The following IFT52 variants were observed in gnomAD, a reference collection of about 807,000 sequenced individuals.
IFT52 encodes the protein intraflagellar transport 52.
Under a neutral mutation model 54.4 loss-of-function variants are expected in IFT52, and 44 were observed. That is an observed-to-expected ratio of 0.81 (90% CI 0.63 to 1.04). The LOEUF (loss-of-function observed/expected upper bound fraction) is 1.04. Ranked by LOEUF, IFT52 falls within the 50% of genes least tolerant of loss-of-function variation. The probability of loss-of-function intolerance (pLI) is 0.00; values close to 1 mark genes in which losing one functional copy is unlikely to be tolerated. For missense variants in IFT52, 452 were observed against 523.6 expected (o/e 0.86, Z 1.33); for synonymous variants, 181 against 185.3 (o/e 0.98, Z 0.19).
chr20:43,636,082 T>G, intron 11 of IFT52, 69 bp downstream of exon 11: 1 of 1,455,550 alleles, frequency 6.9e-7, no homozygotes, highest in South Asian at 1.2e-5. Flanking sequence ...CAGCAGGCAT[T>G]CGCTGTGGTC....
Position 43,624,054 on chromosome 20 carries a change from C to G in IFT52, c.923+9C>G, listed in dbSNP as rs763146442. 1 of 1,613,594 alleles carries G rather than the reference C, an allele frequency of 6.2e-7. No homozygotes were observed. Among genetic ancestry groups the G allele is most frequent in the Non-Finnish European group, 8.5e-7 (1 of 1,179,686 alleles). Reference sequence around the variant, plus strand: ...TTCCACAGCGTCATCGAGTCAGTACCTGTGGGCCTCTGAGCCACACTGCAC... The same window carrying G: ...TTCCACAGCGTCATCGAGTCAGTACGTGTGGGCCTCTGAGCCACACTGCAC... On this transcript the variant is annotated intron_variant, in intron 10 of 13. Transcript: ENST00000373030.
chr20:43,598,204 G>C (rs371133953), intron 3 of IFT52, among the ~76,000 whole-genome samples: 37 of 152,140 alleles, frequency 2.4e-4, no homozygotes, highest in Non-Finnish European at 2.4e-4. Flanking sequence ...GACAAATACT[G>C]TATGATTTCA....
At chr20:43,638,663 G>T (rs62225649) in intron 12 of IFT52, among the ~76,000 whole-genome samples, 4,086 of 152,090 alleles carry the variant, frequency 0.027, 68 homozygotes, top group Non-Finnish European at 0.037. Context: ...TATAAATTTG[G>T]GAATAGCTTT....
chr20:43,646,197 C>T (rs200456209), intron 13 of IFT52, among the ~76,000 whole-genome samples: 5 of 120,918 alleles, frequency 4.1e-5, no homozygotes, highest in East Asian at 5.0e-4. Flanking sequence ...GGTGACAGAG[C>T]GAGACTCGTC....
intron 8 of IFT52, among the ~76,000 whole-genome samples, chr20:43,620,608 A>T (rs1984218586): frequency 6.6e-6 from 1 of 152,182 alleles, no homozygotes; most frequent in African/African-American, 2.4e-5. Flanking sequence ...GTGAGCCAAG[A>T]TTGCGCCACC....
Position 43,647,079 on chromosome 20 carries a change from ACT to A in IFT52, c.*99_*100del, listed in dbSNP as rs1986257149. The A allele has an allele frequency of 9.4e-7, 1 of 1,061,884 alleles. No homozygotes were observed. Among genetic ancestry groups the A allele is most frequent in the African/African-American group, 1.6e-5 (1 of 64,122 alleles). 65.8% of individuals were successfully genotyped at this position (1,061,884 alleles called of 1,614,324 possible). ...AACTCCTTATCAAAATTGTTTATAC[ACT>A]CTTTCCTCCATGAGCTCTGGAAGGT... On this transcript the variant is annotated 3_prime_UTR_variant, in exon 14 of 14. Coordinates refer to ENST00000373030, the MANE Select transcript of IFT52 (RefSeq NM_016004.5).
At chr20:43,642,691 C>CT in intron 13 of IFT52, 67 bp downstream of exon 13, 2 of 1,477,584 alleles carry the variant, frequency 1.4e-6, no homozygotes, top group Non-Finnish European at 1.8e-6. Context: ...ATGGACTGTG[C>CT]TTGCCATGTT....
chr20:43,605,828 C>T (rs182591282), intron 6 of IFT52, among the ~76,000 whole-genome samples: 1 of 152,250 alleles, frequency 6.6e-6, no homozygotes, highest in Admixed American at 6.5e-5. Flanking sequence ...ATGTAATTGC[C>T]CAAATGCACA....
chr20:43,625,183 G>A (rs1347025896), intron 10 of IFT52, among the ~76,000 whole-genome samples: 2 of 152,036 alleles, frequency 1.3e-5, no homozygotes, highest in Admixed American at 6.6e-5. Flanking sequence ...GCAGAGTACT[G>A]GGGTAGGGGA....
chr20:43,607,631 C>G (rs1410336232), intron 6 of IFT52, among the ~76,000 whole-genome samples: 2 of 145,102 alleles, frequency 1.4e-5, no homozygotes, highest in South Asian at 4.6e-4. Flanking sequence ...GATGGGATGG[C>G]GGCCGGGCAG....
In IFT52 at chr20:43,641,101, T is replaced by G. The variant is rs534028265; in HGVS notation, c.1121-1378T>G. Among the ~76,000 whole-genome samples, 169 of 151,680 alleles carry G rather than the reference T, an allele frequency of 1.1e-3. 1 individual carries two copies. Among genetic ancestry groups the G allele is most frequent in the African/African-American group, 4.0e-3 (164 of 41,396 alleles). ...AATGTGAGAAGGGCAGTAATGGCTGTCTATCCTACATGTAGGGCTCCAGAG... is the reference window on the plus strand; with the variant it reads ...AATGTGAGAAGGGCAGTAATGGCTGGCTATCCTACATGTAGGGCTCCAGAG... On this transcript the variant is annotated intron_variant, in intron 12 of 13. Coordinates refer to ENST00000373030, the MANE Select transcript of IFT52 (RefSeq NM_016004.5).
chr20:43,611,244 C>T (rs1260615418), intron 6 of IFT52, among the ~76,000 whole-genome samples: 1 of 152,050 alleles, frequency 6.6e-6, no homozygotes, highest in African/African-American at 2.4e-5. Flanking sequence ...CTGCTGTAGC[C>T]ACACTGACTT....
intron 10 of IFT52, among the ~76,000 whole-genome samples, chr20:43,633,354 G>A (rs1359528111): frequency 6.6e-6 from 1 of 150,468 alleles, no homozygotes; most frequent in Non-Finnish European, 1.5e-5. Context: ...AAAAAAAAAA[G>A]GTCAAAATTA....
chr20:43,642,346 A>T (rs549816955), intron 12 of IFT52, 133 bp from the exon 13 acceptor site: 1 of 775,752 alleles, frequency 1.3e-6, no homozygotes, highest in Non-Finnish European at 2.1e-6. Flanking sequence ...CTGTAGTCAC[A>T]TTACTTTAGG....
chr20:43,618,986 G>A lies in IFT52; in HGVS notation c.659G>A (p.Ser220Asn), dbSNP rs1180291053. The change falls in exon 8 of 14, where the codon AGT (serine) becomes AAT (asparagine). Residue 220 changes from serine to asparagine, a missense_variant. By Grantham distance (46) the Ser-to-Asn change is conservative. Transcript: ENST00000373030. ...GTGCTTGGTTCATGTCACATGTTCA[G>A]TGATCAATATTTGGACAAAGAAGAA... ...LAVLGSCHMF[S>N]DQYLDKEENS... 1.2e-6 allele frequency: 2 copies of A among 1,613,894 alleles called. No homozygotes were observed. Among genetic ancestry groups the A allele is most frequent in the Non-Finnish European group, 1.7e-6 (2 of 1,179,936 alleles).
intron 7 of IFT52, among the ~76,000 whole-genome samples, chr20:43,616,557 A>G (rs1435907185): frequency 6.6e-6 from 1 of 151,872 alleles, no homozygotes; most frequent in Non-Finnish European, 1.5e-5. Context: ...CAATAATTGT[A>G]GAAAAAATGA....
At chr20:43,612,694 A>G (rs1255999084) in intron 6 of IFT52, among the ~76,000 whole-genome samples, 5 of 61,458 alleles carry the variant, frequency 8.1e-5, no homozygotes, top group Non-Finnish European at 2.0e-4. Flanking sequence ...CCTGTCTTAA[A>G]AAACAAAACA....
intron 7 of IFT52, among the ~76,000 whole-genome samples, chr20:43,614,590 T>C (rs1030869494): frequency 2.6e-5 from 4 of 152,080 alleles, no homozygotes; most frequent in African/African-American, 9.7e-5. Context: ...TAATCCTGTC[T>C]GTGACTATGG....
In IFT52 at chr20:43,613,959, G is replaced by A. The variant is rs886037869; in HGVS notation, c.595G>A (p.Ala199Thr). ...VCFPLNRPIL[A>T]FYHSKNQGGK... Reference sequence around the variant, plus strand: ...CTTCCCACTTAACAGACCCATTTTGGCTTTCTATCACTCAAAGGTACAGCT... The same window carrying A: ...CTTCCCACTTAACAGACCCATTTTGACTTTCTATCACTCAAAGGTACAGCT... The change falls in exon 7 of 14, where the codon GCT becomes ACT. Residue 199 changes from alanine (A) to threonine (T), a missense_variant. Ala to Thr is a moderately conservative substitution (Grantham distance 58). Transcript: ENST00000373030. 1.7e-5 allele frequency: 27 copies of A among 1,613,654 alleles called. No homozygotes were observed. Among genetic ancestry groups the A allele is most frequent in the Non-Finnish European group, 2.0e-5 (24 of 1,179,784 alleles).
Sources: allele counts gnomAD v4.1 joint callset (sites outside exome capture counted in the v4.1 genomes callset), GRCh38; gene constraint gnomAD v4.1.1; transcripts MANE v1.5; gene names NCBI Gene and HGNC (gene_info 2026-07-23, HGNC 2026-07-21).